GAN: variants seen among roughly 807,000 people sequenced by gnomAD.
GAN encodes gigaxonin.
Under a neutral mutation model 71.3 loss-of-function variants are expected in GAN, and 48 were observed. The ratio of observed to expected loss-of-function variants is 0.67; its 90% CI spans 0.53 to 0.86. The LOEUF (loss-of-function observed/expected upper bound fraction) is 0.86, where lower values mean the gene tolerates loss of function less well. GAN is among the 40% of genes least tolerant of loss of function. The pLI, the probability that GAN is intolerant of heterozygous loss-of-function variation, is 0.00. For synonymous variants in GAN, 386 were observed against 276.8 expected, an observed-to-expected ratio of 1.39 and a Z score of -3.92; for missense variants, 928 against 770.1, an observed-to-expected ratio of 1.21 and a Z score of -2.43.
At chr16:81,358,216 A>T (rs539757501) in intron 5 of GAN, among the ~76,000 whole-genome samples, 2 of 152,296 alleles carry the variant, frequency 1.3e-5, no homozygotes, top group Non-Finnish European at 2.9e-5. Flanking sequence ...GCTTACCACT[A>T]AGTAGCTGTA....
At chr16:81,343,602 T>C (rs1206530847) in intron 1 of GAN, among the ~76,000 whole-genome samples, 1 of 152,164 alleles carries the variant, frequency 6.6e-6, no homozygotes, top group Non-Finnish European at 1.5e-5. Flanking sequence ...AAACTAGGTA[T>C]TGGTGGAACA....
At chr16:81,337,043 T>C (rs1909787420) in intron 1 of GAN, among the ~76,000 whole-genome samples, 1 of 152,122 alleles carries the variant, frequency 6.6e-6, no homozygotes, top group African/African-American at 2.4e-5. Context: ...ACTATTACAG[T>C]ATCACCCAGA....
chr16:81,357,119 TTTATAC>T (rs1270607600), intron 4 of GAN, 117 bp downstream of exon 4: 20 of 779,518 alleles, frequency 2.6e-5, no homozygotes, highest in Non-Finnish European at 4.1e-5. Context: ...GATTTTTTTT[TTTATAC>T]TTTAAGTTTT....
intron 5 of GAN, among the ~76,000 whole-genome samples, 187 bp downstream of exon 5, chr16:81,358,118 C>G (rs1416896112): frequency 6.6e-6 from 1 of 152,190 alleles, no homozygotes; most frequent in East Asian, 1.9e-4. Context: ...CTTATTATCT[C>G]TGTATCTTCA....
intron 1 of GAN, among the ~76,000 whole-genome samples, chr16:81,333,840 G>T (rs1909666718): frequency 6.6e-6 from 1 of 152,162 alleles, no homozygotes; most frequent in African/African-American, 2.4e-5. Flanking sequence ...TGTCCCTCTA[G>T]GGATGGCTGC....
At chr16:81,320,909 TC>T (rs1909202264) in intron 1 of GAN, among the ~76,000 whole-genome samples, 1 of 152,110 alleles carries the variant, frequency 6.6e-6, no homozygotes. Context: ...ATTTTCCTTT[TC>T]TTTTTTTTTT....
chr16:81,315,563 C>T (rs1435255143), intron 1 of GAN, among the ~76,000 whole-genome samples: 1 of 152,082 alleles, frequency 6.6e-6, no homozygotes, highest in Admixed American at 6.5e-5. Context: ...CCTTGTCCCT[C>T]CCGGTTCCCA....
chr16:81,367,100 G>A (rs1445465964), intron 9 of GAN, among the ~76,000 whole-genome samples: 3 of 152,130 alleles, frequency 2.0e-5, no homozygotes, highest in South Asian at 2.1e-4. Flanking sequence ...TGGGATTACA[G>A]GCATGAGCCA....
chr16:81,316,022 G>A (rs1909027798), intron 1 of GAN, among the ~76,000 whole-genome samples: 1 of 152,232 alleles, frequency 6.6e-6, no homozygotes, highest in African/African-American at 2.4e-5. Context: ...AGAGCCTTGC[G>A]ACAAAGGGCA....
intron 5 of GAN, 57 bp from the exon 6 acceptor site, chr16:81,362,442 C>T (rs527512250): frequency 2.6e-5 from 22 of 844,868 alleles, no homozygotes; most frequent in African/African-American, 1.7e-4. Context: ...TATGCTGTGG[C>T]GTTTATGGGT....
At chr16:81,367,572 G>A (rs891055687) in intron 9 of GAN, among the ~76,000 whole-genome samples, 20 of 152,222 alleles carry the variant, frequency 1.3e-4, no homozygotes, top group African/African-American at 4.8e-4. Flanking sequence ...TGTATATTCA[G>A]TTCCTTATTT....
In GAN at chr16:81,384,390, A is replaced by G. The variant is rs1030809660; in HGVS notation, c.*6794A>G. ...GAGTTGCTGCAAACTGATTACTTGA[A>G]ACTCAACTTGAACTTTAAAGAGTCT... On this transcript the variant is annotated 3_prime_UTR_variant, in exon 11 of 11. Coordinates refer to ENST00000648994, the MANE Select transcript of GAN (RefSeq NM_022041.4). The G allele has an allele frequency of 6.6e-6, 1 of 152,080 alleles. No homozygotes were observed. Among genetic ancestry groups the G allele is most frequent in the Non-Finnish European group, 1.5e-5 (1 of 68,010 alleles). 9.4% of individuals were successfully genotyped at this position (152,080 alleles called of 1,614,324 possible).
rs765463525 is a variant in GAN, at chr16:81,364,988, A to G, written c.1251A>G (p.Ala417=). 1.1e-5 allele frequency: 18 copies of G among 1,614,028 alleles called. No individual in the cohort carries two copies. In the South Asian group the frequency reaches 2.0e-4, roughly 18 times the overall value. Residue 417 remains alanine, a synonymous_variant, in exon 8 of 11, where the codon GCA becomes GCG. Transcript: ENST00000648994. ...TCTGCTTTCAGATCGGCTGCTATGC[A>G]GCTATGAAAAAGAAAATCTACGCCA... ...LTMVRKIGCY[A]AMKKKIYAMG...
chr16:81,358,115 T>C (rs1011623617), intron 5 of GAN, among the ~76,000 whole-genome samples, 184 bp downstream of exon 5: 4 of 152,198 alleles, frequency 2.6e-5, no homozygotes, highest in African/African-American at 9.7e-5. Flanking sequence ...GTCCTTATTA[T>C]CTCTGTATCT....
intron 9 of GAN, among the ~76,000 whole-genome samples, chr16:81,368,637 C>G (rs1490639363): frequency 6.6e-6 from 1 of 152,140 alleles, no homozygotes; most frequent in East Asian, 1.9e-4. Flanking sequence ...TGAATTCTGT[C>G]TTGTACTTTG....
chr16:81,365,567 A>G (rs1910827888), intron 9 of GAN, 89 bp downstream of exon 9: 1 of 1,299,366 alleles, frequency 7.7e-7, no homozygotes, highest in Non-Finnish European at 1.1e-6. Context: ...GTTTTCAGTC[A>G]CTTTATTAAA....
At chr16:81,347,635 C>T (rs879480147) in intron 1 of GAN, among the ~76,000 whole-genome samples, 2 of 152,042 alleles carry the variant, frequency 1.3e-5, no homozygotes, top group African/African-American at 2.4e-5. Flanking sequence ...TTTGTTCCCC[C>T]CTGCCACTTG....
At position 81,385,696 on chromosome 16, in the gene GAN, G is replaced by A. The variant is rs929135206; in HGVS notation, c.*8100G>A. Reference sequence around the variant, plus strand: ...TGCACTGAGTGTCCCAGGCCTTATAGCTTTCCACATTCTCACGTCTGCTGC... The same window carrying A: ...TGCACTGAGTGTCCCAGGCCTTATAACTTTCCACATTCTCACGTCTGCTGC... On this transcript the variant is annotated 3_prime_UTR_variant, in exon 11 of 11. Transcript: ENST00000648994. 1 of 151,884 alleles carries A rather than the reference G, an allele frequency of 6.6e-6. No homozygotes were observed. Among genetic ancestry groups the A allele is most frequent in the Admixed American group, 6.6e-5 (1 of 15,240 alleles). The allele number at this position is 151,884 out of a possible 1,614,324, so 9.4% of individuals were successfully genotyped here.
rs551238189 is a variant in GAN, at chr16:81,389,389, C to T, written c.*11793C>T. 9.5e-4 allele frequency: 145 copies of T among 152,288 alleles called. No homozygotes were observed. Among genetic ancestry groups the T allele is most frequent in the African/African-American group, 3.4e-3 (140 of 41,542 alleles). The allele number at this position is 152,288 out of a possible 1,614,324, so 9.4% of individuals were successfully genotyped here. A position where few individuals can be genotyped will look rare whatever the true frequency, so the allele number is the denominator to read the frequency against. ...ACAACCATCCCGTAATCATTGTGGC[C>T]TCAGCAGAAGTTTTGAACAATCTTT... On this transcript the variant is annotated 3_prime_UTR_variant, in exon 11 of 11. Transcript: ENST00000648994.
Sources: gnomAD v4.1 joint callset for allele counts (sites outside exome capture counted in the v4.1 genomes callset) on GRCh38, gnomAD v4.1.1 for gene constraint, MANE v1.5 for transcripts, NCBI Gene and HGNC (gene_info 2026-07-23, HGNC 2026-07-21) for gene names.